The following CUL4B variants were observed in gnomAD, a reference collection of about 807,000 sequenced individuals.
CUL4B encodes cullin 4B.
Under a neutral mutation model 69.2 loss-of-function variants are expected in CUL4B, and 1 was observed. That is an observed-to-expected ratio of 0.01 (90% CI 0.01 to 0.07). The LOEUF is 0.07. Ranked by LOEUF, CUL4B falls within the 10% of genes least tolerant of loss-of-function variation. CUL4B has a pLI of 1.00. For missense variants in CUL4B, 328 were observed against 638.8 expected, an observed-to-expected ratio of 0.51 and a Z score of 5.24; for synonymous variants, 237 against 223.2, an observed-to-expected ratio of 1.06 and a Z score of -0.55.
intron 2 of CUL4B, among the ~76,000 whole-genome samples, chrX:120,550,699 G>A (rs999651985): frequency 2.7e-5 from 3 of 111,868 alleles, no homozygotes; most frequent in African/African-American, 9.7e-5. Flanking sequence ...TTGAGGTCAA[G>A]TTCGGAGGGA....
chrX:120,563,778 G>A (rs1925412196), upstream of CUL4B, among the ~76,000 whole-genome samples: 1 of 111,791 alleles, frequency 8.9e-6, no homozygotes, highest in Non-Finnish European at 1.9e-5. Flanking sequence ...TCTTTAGGAG[G>A]GTATATGAAG....
At chrX:120,532,384 T>G (rs1221374289) in intron 18 of CUL4B, 38 bp downstream of exon 18, 7 of 1,052,886 alleles carry the variant, frequency 6.6e-6, no homozygotes, top group Non-Finnish European at 9.3e-6. Context: ...CATGTATAAT[T>G]CCAGTGTGTT....
intron 9 of CUL4B, 58 bp downstream of exon 9, chrX:120,542,908 C>G: frequency 2.3e-6 from 2 of 859,411 alleles, no homozygotes; most frequent in Non-Finnish European, 3.4e-6. Context: ...TAAAAATTCC[C>G]TACTAGTTTG....
chrX:120,529,910 T>C (rs777680065), intron 19 of CUL4B, among the ~76,000 whole-genome samples, 192 bp downstream of exon 19: 1 of 108,146 alleles, frequency 9.2e-6, no homozygotes, highest in East Asian at 2.9e-4. Flanking sequence ...TATTTTTCCC[T>C]TTTGTCACTG....
chrX:120,564,787 C>G (rs1925444565), upstream of CUL4B, among the ~76,000 whole-genome samples: 1 of 112,489 alleles, frequency 8.9e-6, no homozygotes, highest in Admixed American at 9.4e-5. Context: ...GGGAGCCACA[C>G]TAATCAAGAT....
Position 120,526,619 on chromosome X carries a change from A to T in CUL4B, c.*142T>A. 1 of 419,465 alleles carries T rather than the reference A, an allele frequency of 2.4e-6. No homozygotes were observed. The highest frequency in any genetic ancestry group is 4.8e-5 in the East Asian group (1 of 20,909). 34.6% of individuals were successfully genotyped at this position (419,465 alleles called of 1,213,427 possible). A position where few individuals can be genotyped will look rare whatever the true frequency, so the allele number is the denominator to read the frequency against. ...AAATGGGCATGTTAACCACTGAGAA[A>T]AAGTCCACTCAACTATTTCCATTAA... On this transcript the variant is annotated 3_prime_UTR_variant, in exon 20 of 20. Coordinates refer to ENST00000371322, the MANE Select transcript of CUL4B (RefSeq NM_001079872.2).
At chrX:120,562,234 G>A (rs1278897523), upstream of CUL4B, among the ~76,000 whole-genome samples, 1 of 111,628 alleles carries the variant, frequency 9.0e-6, no homozygotes, top group Admixed American at 9.5e-5. Context: ...GAACCATATC[G>A]GCAAAAGTCA....
At chrX:120,571,389 GA>G (rs1156813881) in exon 3 of CUL4B, 2 of 111,484 alleles carry the variant, frequency 1.8e-5, no homozygotes, top group African/African-American at 3.3e-5. Flanking sequence ...AGCTGGCAGA[GA>G]TAACAAATGA....
In CUL4B at chrX:120,560,005, A is replaced by G. The variant is rs764939960; in HGVS notation, c.556+78T>C. The G allele has an allele frequency of 6.6e-6, 8 of 1,206,429 alleles. No individual in the cohort carries two copies. The East Asian group carries it at 2.4e-4, about 36-fold the overall frequency. ...TTAGGCCACCTCCAAACTGTTTAAT[A>G]TATTAACATAAATAGAGCACGTGAC... On this transcript the variant is annotated intron_variant, in intron 1 of 19. Transcript: ENST00000371322.
At chrX:120,565,338 T>C (rs755174339), upstream of CUL4B, among the ~76,000 whole-genome samples, 17 of 109,208 alleles carry the variant, frequency 1.6e-4, no homozygotes, top group African/African-American at 5.3e-4. Context: ...TTTCTGAGAA[T>C]GCATTAAAAA....
chrX:120,571,669 C>T (rs1387021416), exon 3 of CUL4B: 1 of 111,322 alleles, frequency 9.0e-6, no homozygotes. Flanking sequence ...GATCATGGCC[C>T]ATTTAGGCAA....
At chrX:120,531,223 G>A (rs1422901535) in intron 18 of CUL4B, among the ~76,000 whole-genome samples, 1 of 109,228 alleles carries the variant, frequency 9.2e-6, no homozygotes, top group Middle Eastern at 4.3e-3. Context: ...TCAGGAGGCT[G>A]AGGCAGGATA....
At chrX:120,567,118 A>ATTTTTTTTTTTTTTTT, downstream of CUL4B, among the ~76,000 whole-genome samples, 1 of 55,292 alleles carries the variant, frequency 1.8e-5, no homozygotes, top group Non-Finnish European at 3.2e-5. Flanking sequence ...GCCAATTTAG[A>ATTTTTTTTTTTTTTTT]TTTTTTTTTT....
chrX:120,553,172 C>G (rs1023567329), intron 2 of CUL4B, among the ~76,000 whole-genome samples: 1 of 111,687 alleles, frequency 9.0e-6, no homozygotes, highest in Non-Finnish European at 1.9e-5. Context: ...AACAATAGTA[C>G]TGATTAACGA....
chrX:120,538,049 T>A, intron 14 of CUL4B, 75 bp downstream of exon 14: 1 of 735,070 alleles, frequency 1.4e-6, no homozygotes, highest in Admixed American at 2.3e-5. Flanking sequence ...ATTTATCCTC[T>A]TTAGTACAAA....
At chrX:120,534,295 G>A (rs1923515671) in intron 17 of CUL4B, among the ~76,000 whole-genome samples, 186 bp downstream of exon 17, 1 of 105,354 alleles carries the variant, frequency 9.5e-6, no homozygotes, top group Non-Finnish European at 1.9e-5. Flanking sequence ...AATCACTTGA[G>A]CCTGAGCCAT....
At position 120,538,082 on chromosome X, in the gene CUL4B, T is replaced by C. The variant is rs374891698; in HGVS notation, c.1938+42A>G. 6.6e-6 allele frequency: 6 copies of C among 909,711 alleles called. No homozygotes were observed. The African/African-American group carries it at 7.8e-5, about 12-fold the overall frequency. The allele number at this position is 909,711 out of a possible 1,213,427, so 75.0% of individuals were successfully genotyped here. ...AAATCATAGCAAGCAGATAACTAAA[T>C]ACAACTAAGTTTGAGGAATTAAGAG... is the stretch of plus-strand genomic sequence containing the variant. On this transcript the variant is annotated intron_variant, in intron 14 of 19. Transcript: ENST00000371322.
intron 9 of CUL4B, 138 bp from the exon 10 acceptor site, chrX:120,541,858 T>C (rs1277891026): frequency 6.2e-6 from 3 of 480,442 alleles, no homozygotes; most frequent in South Asian, 5.9e-5. Flanking sequence ...ATGTGAGTTG[T>C]AATGTAAGAT....
intron 17 of CUL4B, among the ~76,000 whole-genome samples, chrX:120,533,587 C>G (rs981586007): frequency 3.6e-5 from 4 of 111,692 alleles, no homozygotes; most frequent in Admixed American, 9.6e-5. Context: ...TATGCCTTCT[C>G]CCTGACCAAA....
Sources: allele counts gnomAD v4.1 joint callset (sites outside exome capture counted in the v4.1 genomes callset), GRCh38; gene constraint gnomAD v4.1.1; transcripts MANE v1.5; gene names NCBI Gene and HGNC (gene_info 2026-07-23, HGNC 2026-07-21).